Variants in FCER2 observed in about 807,000 individuals in gnomAD.
FCER2 encodes Fc epsilon receptor II, also known as low affinity immunoglobulin epsilon Fc receptor.
A neutral mutation model predicts 49.7 loss-of-function variants in FCER2; 38 were observed. The observed-to-expected ratio is 0.76, with a 90% CI of 0.59 to 1.00. FCER2 has a LOEUF of 1.00. FCER2 is among the 50% of genes least tolerant of loss of function. The probability of loss-of-function intolerance (pLI) is 0.00; values close to 1 mark genes in which losing one functional copy is unlikely to be tolerated. For synonymous variants in FCER2, 163 were observed against 164.6 expected (o/e 0.99, Z 0.07); for missense variants, 425 against 419.5 (o/e 1.01, Z -0.11).
At chr19:7,694,635 C>A (rs1017431176) in intron 8 of FCER2, among the ~76,000 whole-genome samples, 3 of 152,124 alleles carry the variant, frequency 2.0e-5, no homozygotes, top group African/African-American at 7.2e-5. Context: ...AGGGACCACA[C>A]TGAGGTTTCT....
rs760297884 is a variant in FCER2 at position 7,689,429 on chromosome 19, T to C, written c.730A>G (p.Asn244Asp). The C allele has an allele frequency of 2.2e-5, 34 of 1,579,056 alleles. No homozygotes were observed. Among genetic ancestry groups the C allele is most frequent in the Non-Finnish European group, 2.6e-5 (30 of 1,159,966 alleles). Residue 244 changes from asparagine (N) to aspartate (D), a missense_variant and splice_region_variant, in exon 11 of 11, where the codon AAC becomes GAC. By Grantham distance (23) the Asn-to-Asp change is conservative (BLOSUM62 1). Transcript: ENST00000597921. ...CTGGTGGGCTCCCCTGGAGCCCAGT[T>C]GCTGGAGCAAAAGGCTTTGGGTCAG... ...WVDGSHVDYS[N>D]WAPGEPTSRS...
Position 7,688,866 on chromosome 19 carries a change from A to G in FCER2, c.*327T>C. ...GGGATACTCAGGTCCTGGGGTGCTG[A>G]GGAGATGGGGCTGCATCTGGAGAGG... On this transcript the variant is annotated 3_prime_UTR_variant, in exon 11 of 11. Coordinates refer to ENST00000597921, the MANE Select transcript of FCER2 (RefSeq NM_001220500.2). The G allele has an allele frequency of 3.0e-6, 1 of 329,314 alleles. No homozygotes were observed. Among genetic ancestry groups the G allele is most frequent in the Non-Finnish European group, 5.6e-6 (1 of 177,226 alleles). 20.4% of individuals were successfully genotyped at this position (329,314 alleles called of 1,614,324 possible). A position where few individuals can be genotyped will look rare whatever the true frequency, so the allele number is the denominator to read the frequency against.
rs376326260 is a variant in FCER2, at chr19:7,698,784, G to A, written c.93C>T (p.Thr31=). The change falls in exon 3 of 11, where the codon ACC becomes ACT. Residue 31 remains threonine, a synonymous_variant. Coordinates refer to ENST00000597921, the MANE Select transcript of FCER2 (RefSeq NM_001220500.2). ...TCAGCAGCCCAGCCCACAGAGCGGC[G>A]GTCACCAGCCCCAGCAGCACGATCT... ...GTQIVLLGLV[T]AALWAGLLTL... 2.6e-5 allele frequency: 42 copies of A among 1,612,598 alleles called. No individual in the cohort carries two copies. Among genetic ancestry groups the A allele is most frequent in the Middle Eastern group, 3.3e-4 (2 of 6,074 alleles).
At chr19:7,696,321 G>A (rs1004869519) in intron 8 of FCER2, among the ~76,000 whole-genome samples, 1 of 151,930 alleles carries the variant, frequency 6.6e-6, no homozygotes, top group Non-Finnish European at 1.5e-5. Context: ...GACTGGTCTC[G>A]AACTCCTGAC....
chr19:7,700,636 T>C (rs2033132718), intron 1 of FCER2, among the ~76,000 whole-genome samples: 1 of 151,768 alleles, frequency 6.6e-6, no homozygotes, highest in Non-Finnish European at 1.5e-5. Flanking sequence ...CGCCTCAGCC[T>C]CCCGAGTAGC....
At chr19:7,690,015 C>T (rs1351524831) in intron 10 of FCER2, 144 bp downstream of exon 10, 2 of 622,886 alleles carry the variant, frequency 3.2e-6, no homozygotes, top group East Asian at 2.8e-5. Context: ...GGTCCCCCAG[C>T]CCCCACTGGC....
At chr19:7,695,424 C>T (rs552363080) in intron 8 of FCER2, among the ~76,000 whole-genome samples, 1 of 152,234 alleles carries the variant, frequency 6.6e-6, no homozygotes, top group Non-Finnish European at 1.5e-5. Context: ...ACTGCTTTAA[C>T]GCAGAAGAGG....
Position 7,698,870 on chromosome 19 carries a change from G to T in FCER2, c.23-16C>A. 1 of 1,569,840 alleles carries T rather than the reference G, an allele frequency of 6.4e-7. No homozygotes were observed. The highest frequency in any genetic ancestry group is 8.6e-7 in the Non-Finnish European group (1 of 1,161,072). ...TCCTCGATCTCTGCCGGGGGTGGAGGGACTGACTATGGGTGCAGGGTGAAG... is the reference window on the plus strand; with the variant it reads ...TCCTCGATCTCTGCCGGGGGTGGAGTGACTGACTATGGGTGCAGGGTGAAG... On this transcript the variant is annotated splice_polypyrimidine_tract_variant and intron_variant, in intron 2 of 10. Coordinates refer to ENST00000597921, the MANE Select transcript of FCER2 (RefSeq NM_001220500.2).
In FCER2 at chr19:7,688,996, G is replaced by A. The variant is rs2032778198; in HGVS notation, c.*197C>T. ...ACTCTCATCTGGAGAGGGTGCTGTT[G>A]GGGGCACTCCCATCTGGAGAGGGTG... On this transcript the variant is annotated 3_prime_UTR_variant, in exon 11 of 11. Transcript: ENST00000597921. The A allele has an allele frequency of 1.7e-6, 1 of 592,842 alleles. No individual in the cohort carries two copies. The highest frequency in any genetic ancestry group is 1.9e-5 in the African/African-American group (1 of 53,596). 36.7% of individuals were successfully genotyped at this position (592,842 alleles called of 1,614,324 possible).
intron 6 of FCER2, 73 bp downstream of exon 6, chr19:7,697,163 G>T: frequency 6.2e-7 from 1 of 1,606,330 alleles, no homozygotes; most frequent in Admixed American, 1.7e-5. Flanking sequence ...CAGCCTCGTG[G>T]TTCCCCAGGG....
intron 1 of FCER2, among the ~76,000 whole-genome samples, chr19:7,701,703 AC>A (rs2033154793): frequency 6.6e-6 from 1 of 151,972 alleles, no homozygotes. Flanking sequence ...CGTCCTTCTA[AC>A]CCAAGAGGTC....
chr19:7,689,329 AGCTTACGGTC>A lies in FCER2; in HGVS notation c.820_829del (p.Asp274TrpfsTer85). 2 of 1,612,942 alleles carry A rather than the reference AGCTTACGGTC, an allele frequency of 1.2e-6. No homozygotes were observed. The highest frequency in any genetic ancestry group is 2.2e-5 in the East Asian group (1 of 44,860). ...CAGCCGGTCGCACACCCAGGCGCCC[AGCTTACGGTC>A]GCAGAAGGCGTCGTTCCAGCGACCG... On this transcript the variant is annotated frameshift_variant, in exon 11 of 11. Coordinates refer to ENST00000597921, the MANE Select transcript of FCER2 (RefSeq NM_001220500.2). LOFTEE classifies it high-confidence loss of function.
In FCER2 at chr19:7,693,642, TTTTTG is replaced by T. The variant is rs368393689; in HGVS notation, c.470-3090_470-3086del. On this transcript the variant is annotated intron_variant, in intron 8 of 10. Transcript: ENST00000597921. ...GGTTCCACTACACGTGGTCAGATGT[TTTTTG>T]TTTTGTTTTGTTTTGTTTTGAGACA... Among the ~76,000 whole-genome samples the T allele has an allele frequency of 3.9e-5, 6 of 152,004 alleles. No individual in the cohort carries two copies. The East Asian group carries it at 9.7e-4, about 25-fold the overall frequency.
chr19:7,690,327 C>T (rs4996972), intron 9 of FCER2, 62 bp from the exon 10 acceptor site: 473,886 of 1,607,138 alleles, frequency 0.29, 74,105 homozygotes, highest in African/African-American at 0.56. Context: ...CAGCCCACTT[C>T]GAGAGGTTGG....
At position 7,690,526 on chromosome 19, in the gene FCER2, C is replaced by G; in HGVS notation, c.501G>C (p.Trp167Cys). 6.2e-7 allele frequency: 1 copy of G among 1,614,080 alleles called. No homozygotes were observed. Among genetic ancestry groups the G allele is most frequent in the African/African-American group, 1.3e-5 (1 of 75,048 alleles). ...GFVCNTCPEK[W>C]INFQRKCYYF... The stretch of plus-strand genomic sequence containing the variant: ...AGTAGCACTTCCGTTGGAAATTGAT[C>G]CACTTTTCAGGGCACGTGTTGCACA... The change falls in exon 9 of 11, where the codon TGG becomes TGC. Residue 167 changes from tryptophan to cysteine, a missense_variant. By Grantham distance (215) the Trp-to-Cys change is radical. Coordinates refer to ENST00000597921, the MANE Select transcript of FCER2 (RefSeq NM_001220500.2).
chr19:7,698,312 T>A, intron 4 of FCER2, 44 bp downstream of exon 4: 1 of 1,411,692 alleles, frequency 7.1e-7, no homozygotes, highest in Admixed American at 2.0e-5. Flanking sequence ...GTGCTGGGCA[T>A]CCTAACCCTC....
chr19:7,694,407 C>T (rs899560249), intron 8 of FCER2, among the ~76,000 whole-genome samples: 1 of 152,126 alleles, frequency 6.6e-6, no homozygotes. Context: ...AACCCCAAAA[C>T]CAGGAAGAGG....
chr19:7,692,810 A>AATC (rs1376801957), intron 8 of FCER2, among the ~76,000 whole-genome samples: 1 of 151,806 alleles, frequency 6.6e-6, no homozygotes, highest in East Asian at 1.9e-4. Context: ...GCAATACTTC[A>AATC]ATCACCAACA....
At position 7,689,267 on chromosome 19, in the gene FCER2, C is replaced by T. The variant is rs139760424; in HGVS notation, c.892G>A (p.Glu298Lys). Residue 298 changes from glutamate (E) to lysine (K), a missense_variant, in exon 11 of 11, where the codon GAG becomes AAG. Transcript: ENST00000597921. ...GGTCTTGAATCAGGTCCCATGGACTCCGCGGAACCTTCGCTGGCTGGCGGC... is the reference window on the plus strand; with the variant it reads ...GGTCTTGAATCAGGTCCCATGGACTTCGCGGAACCTTCGCTGGCTGGCGGC... ...CTPPASEGSA[E>K]SMGPDSRPDP... 193 of 1,613,872 alleles carry T rather than the reference C, an allele frequency of 1.2e-4. 2 individuals carry two copies. The African/African-American group carries it at 2.0e-3, about 17-fold the overall frequency.
Sources: gnomAD v4.1 joint callset for allele counts (sites outside exome capture counted in the v4.1 genomes callset) on GRCh38, gnomAD v4.1.1 for gene constraint, MANE v1.5 for transcripts, NCBI Gene and HGNC (gene_info 2026-07-23, HGNC 2026-07-21) for gene names.